The following VMA22 variants were observed in gnomAD, a reference collection of about 807,000 sequenced individuals.
The protein encoded by VMA22 is vacuolar ATPase assembly factor VMA22.
At chr2:130,339,078 G>A in the VMA22 span, 24 of 1,475,740 alleles carry the variant, frequency 1.6e-5, no homozygotes, top group South Asian at 1.0e-4. Flanking sequence ...TAGCCATGTC[G>A]GAGAACAGCT....
At chr2:130,339,493 T>C in the VMA22 span, 12 of 1,355,478 alleles carry the variant, frequency 8.9e-6, no homozygotes, top group Middle Eastern at 2.0e-4. Flanking sequence ...AATTCACAGA[T>C]AGTAATACCA....
the VMA22 span, chr2:130,341,937 A>G: frequency 6.2e-7 from 1 of 1,613,566 alleles, no homozygotes; most frequent in East Asian, 2.2e-5. Context: ...GGCGAGCGAG[A>G]GCCAGCCCTG....
At chr2:130,342,123 C>A in the VMA22 span, 1 of 1,613,684 alleles carries the variant, frequency 6.2e-7, no homozygotes, top group East Asian at 2.2e-5. Flanking sequence ...CAAGCGCCGC[C>A]ATGGACACAC....
the VMA22 span, chr2:130,338,333 T>C: frequency 1.3e-5 from 2 of 151,834 alleles, no homozygotes; most frequent in African/African-American, 4.8e-5. Flanking sequence ...CAATAAAAAG[T>C]CAAAAAAAAT....
At chr2:130,337,988 C>T in the VMA22 span, among the ~76,000 whole-genome samples, 3 of 152,184 alleles carry the variant, frequency 2.0e-5, no homozygotes, top group Non-Finnish European at 4.4e-5. Flanking sequence ...AGAATGAAAA[C>T]CCCCAAATTA....
chr2:130,342,333 C>G, the VMA22 span: 1 of 878,026 alleles, frequency 1.1e-6, no homozygotes, highest in East Asian at 2.7e-5. Flanking sequence ...ACTGGTTTCT[C>G]CAATTAGCCC....
At chr2:130,339,058 T>G in the VMA22 span, 20 of 1,272,524 alleles carry the variant, frequency 1.6e-5, no homozygotes, top group Non-Finnish European at 2.0e-5. Flanking sequence ...GAAGAAGGCC[T>G]GAGATCACGT....
chr2:130,341,099 T>G, the VMA22 span: 2 of 1,491,400 alleles, frequency 1.3e-6, no homozygotes, highest in East Asian at 4.6e-5. Flanking sequence ...ATCATCTTGG[T>G]GACAATGTTG....
chr2:130,339,098 G>A, the VMA22 span: 3 of 1,575,500 alleles, frequency 1.9e-6, no homozygotes, highest in South Asian at 3.3e-5. Context: ...TGTGCTCGCT[G>A]CCCTGCCTCT....
chr2:130,341,668 T>A, the VMA22 span: 1 of 1,610,556 alleles, frequency 6.2e-7, no homozygotes, highest in Non-Finnish European at 8.5e-7. Context: ...GGGGCTCACC[T>A]GCTTCGCGAG....
the VMA22 span, chr2:130,339,549 T>C: frequency 7.8e-7 from 1 of 1,278,842 alleles, no homozygotes; most frequent in South Asian, 1.4e-5. Context: ...ACAGCATCTC[T>C]CTGCCCTCAC....
chr2:130,340,904 T>G, the VMA22 span: 1 of 1,613,924 alleles, frequency 6.2e-7, no homozygotes, highest in Non-Finnish European at 8.5e-7. Flanking sequence ...CACGGTCCAC[T>G]CACCATCCCG....
At chr2:130,342,255 C>T in the VMA22 span, 1 of 1,534,556 alleles carries the variant, frequency 6.5e-7, no homozygotes, top group East Asian at 2.5e-5. Flanking sequence ...CCGGCAGCAC[C>T]AAGGCCTCTG....
At chr2:130,341,943 C>A in the VMA22 span, 2 of 1,613,308 alleles carry the variant, frequency 1.2e-6, no homozygotes, top group African/African-American at 2.7e-5. Flanking sequence ...CGAGAGCCAG[C>A]CCTGCAGGGA....
At chr2:130,339,774 T>C in the VMA22 span, 1 of 1,303,482 alleles carries the variant, frequency 7.7e-7, no homozygotes, top group East Asian at 5.6e-5. Flanking sequence ...TGCCCCCAGG[T>C]GTTGCTCCTC....
chr2:130,341,118 C>G, the VMA22 span: 22 of 1,435,586 alleles, frequency 1.5e-5, no homozygotes, highest in East Asian at 4.5e-4. Context: ...TGAGCTTGAT[C>G]TGAGCTCATG....
At chr2:130,341,990 C>G in the VMA22 span, 5 of 1,613,166 alleles carry the variant, frequency 3.1e-6, no homozygotes, top group South Asian at 4.4e-5. Flanking sequence ...GCCCGTGTAC[C>G]CTCCTGCCCG....
chr2:130,337,957 T>A, the VMA22 span, among the ~76,000 whole-genome samples: 1 of 152,226 alleles, frequency 6.6e-6, no homozygotes, highest in African/African-American at 2.4e-5. Context: ...ACTGGTGTAT[T>A]GACAGTAATG....
At chr2:130,337,972 C>A in the VMA22 span, among the ~76,000 whole-genome samples, 20 of 152,164 alleles carry the variant, frequency 1.3e-4, no homozygotes, top group Non-Finnish European at 2.6e-4. Context: ...GTAATGTCCA[C>A]GAAACAGAAT....
Sources: allele counts gnomAD v4.1 joint callset (sites outside exome capture counted in the v4.1 genomes callset), GRCh38; gene constraint gnomAD v4.1.1; transcripts MANE v1.5; gene names NCBI Gene and HGNC (gene_info 2026-07-23, HGNC 2026-07-21).